Variants in UVSSA observed in about 807,000 individuals in gnomAD.
UVSSA encodes UV stimulated scaffold protein A, also known as UV-stimulated scaffold protein A.
UVSSA carries 72 observed loss-of-function variants against 73.9 expected under a neutral mutation model. That is an observed-to-expected ratio of 0.97 (90% confidence interval 0.81 to 1.19). The LOEUF is 1.19. UVSSA is among the 50% of genes most tolerant of loss of function. UVSSA has a pLI of 0.00. For synonymous variants in UVSSA, 454 were observed against 391.3 expected (o/e 1.16, Z -1.89); for missense variants, 1,150 against 965.0 (o/e 1.19, Z -2.54).
intron 13 of UVSSA, chr4:1,385,145 A>T (rs1226197218): frequency 6.6e-6 from 1 of 152,326 alleles, no homozygotes; most frequent in Admixed American, 6.5e-5. Flanking sequence ...ACTGAAGCCC[A>T]TGGCAGGAGC....
Position 1,383,910 on chromosome 4 carries a change from G to A in UVSSA, c.2006G>A (p.Arg669His), listed in dbSNP as rs758407459. Residue 669 changes from arginine (R) to histidine (H), a missense_variant, in exon 13 of 14, where the codon CGC (arginine) becomes CAC (histidine). By Grantham distance (29) the Arg-to-His change is conservative. Transcript: ENST00000389851. ...TNLKAQADTA[R>H]ARIGRKVFAK... Reference sequence around the variant, plus strand: ...CTGAAGGCTCAGGCTGATACCGCCCGCGCTCGCATTGGGAGAAAAGTCTTC... The same window carrying A: ...CTGAAGGCTCAGGCTGATACCGCCCACGCTCGCATTGGGAGAAAAGTCTTC... 28 of 1,612,912 alleles carry A rather than the reference G, an allele frequency of 1.7e-5. No homozygotes were observed. The highest frequency in any genetic ancestry group is 1.1e-4 in the East Asian group (5 of 44,890).
chr4:1,373,666 TGTTTC>T (rs1718405330), intron 8 of UVSSA, among the ~76,000 whole-genome samples: 2 of 152,222 alleles, frequency 1.3e-5, no homozygotes, highest in African/African-American at 2.4e-5. Flanking sequence ...TGTGGCTCAT[TGTTTC>T]TTCAACTGTT....
chr4:1,385,989 A>C lies in UVSSA; in HGVS notation c.*28A>C. 6.2e-7 allele frequency: 1 copy of C among 1,609,804 alleles called. No homozygotes were observed. Among genetic ancestry groups the C allele is most frequent in the African/African-American group, 1.3e-5 (1 of 74,992 alleles). The stretch of plus-strand genomic sequence containing the variant: ...AGCGGGGCCCAGTGCACTGGCCATC[A>C]GCACTTTCTCCCTCTGCCAGTGTCT... On this transcript the variant is annotated 3_prime_UTR_variant, in exon 14 of 14. Coordinates refer to ENST00000389851, the MANE Select transcript of UVSSA (RefSeq NM_020894.4).
chr4:1,355,023 C>G, intron 6 of UVSSA, 94 bp from the exon 7 acceptor site: 1 of 1,558,978 alleles, frequency 6.4e-7, no homozygotes. Context: ...CAGGGACCCC[C>G]CGGGCCAGTG....
At chr4:1,373,544 C>T (rs574369345) in intron 8 of UVSSA, among the ~76,000 whole-genome samples, 14 of 152,330 alleles carry the variant, frequency 9.2e-5, no homozygotes, top group Admixed American at 4.6e-4. Flanking sequence ...CCTCAGTGCT[C>T]TGTGTTAACC....
At chr4:1,371,789 CTA>C (rs757898624) in intron 8 of UVSSA, among the ~76,000 whole-genome samples, 3 of 152,156 alleles carry the variant, frequency 2.0e-5, no homozygotes, top group Non-Finnish European at 1.5e-5. Context: ...ATTATGGGAA[CTA>C]TAAGATGAGA....
chr4:1,349,547 G>A lies in UVSSA; in HGVS notation c.122G>A (p.Arg41His), dbSNP rs770306039. ...ICKSSEEQLS[R>H]AYRLLIAQLT... ...AGGTCTTCAGAGGAGCAGCTGAGCC[G>A]CGCCTACCGCCTGCTGATAGCACAG... The change falls in exon 3 of 14, where the codon CGC (arginine) becomes CAC (histidine). Residue 41 changes from arginine (R) to histidine (H), a missense_variant. Transcript: ENST00000389851. 31 of 1,613,370 alleles carry A rather than the reference G, an allele frequency of 1.9e-5. No individual in the cohort carries two copies. The highest frequency in any genetic ancestry group is 1.0e-4 in the Admixed American group (6 of 59,990).
At chr4:1,392,714 G>A (rs1366030217), downstream of UVSSA, 1 of 152,168 alleles carries the variant, frequency 6.6e-6, no homozygotes, top group African/African-American at 2.4e-5. Flanking sequence ...CTTTCAGTGT[G>A]TCCTACCTGC....
intron 9 of UVSSA, 77 bp from the exon 10 acceptor site, chr4:1,375,957 G>C: frequency 6.5e-7 from 1 of 1,540,462 alleles, no homozygotes; most frequent in East Asian, 2.4e-5. Flanking sequence ...GCCTTGCTGT[G>C]GGGGTGGGGA....
chr4:1,368,588 G>A (rs959426717), intron 8 of UVSSA, among the ~76,000 whole-genome samples: 3 of 152,208 alleles, frequency 2.0e-5, no homozygotes, highest in Non-Finnish European at 2.9e-5. Context: ...GGGGCCGAGC[G>A]GCCTCGCAGC....
At chr4:1,360,951 C>A (rs995041589) in intron 7 of UVSSA, among the ~76,000 whole-genome samples, 3 of 152,254 alleles carry the variant, frequency 2.0e-5, no homozygotes, top group Admixed American at 6.5e-5. Flanking sequence ...CTGCTCAGAA[C>A]GTCCTATGTG....
intron 7 of UVSSA, among the ~76,000 whole-genome samples, chr4:1,361,617 A>G (rs1034868738): frequency 7.2e-5 from 11 of 152,236 alleles, no homozygotes; most frequent in African/African-American, 2.4e-4. Flanking sequence ...CCGTCCTCTC[A>G]AGGTGCGTCC....
rs200174708 is a variant in UVSSA, at chr4:1,394,827, C to T, written c.*8866C>T. On this transcript the variant is annotated 3_prime_UTR_variant, in exon 14 of 14. Coordinates refer to the UVSSA transcript ENST00000511216. ...CACACACGTGCCCATGTGGAGTGCC[C>T]GCCTGCTCACGTGCCCATGTGGAGT... The T allele has an allele frequency of 4.5e-5, 63 of 1,396,350 alleles. 1 individual carries two copies. In the East Asian group the frequency reaches 5.4e-4, roughly 12 times the overall value. The allele number at this position is 1,396,350 out of a possible 1,614,324, so 86.5% of individuals were successfully genotyped here. A position where few individuals can be genotyped will look rare whatever the true frequency, so the allele number is the denominator to read the frequency against.
chr4:1,351,001 G>A (rs1205380219), intron 3 of UVSSA, among the ~76,000 whole-genome samples: 1 of 152,110 alleles, frequency 6.6e-6, no homozygotes, highest in African/African-American at 2.4e-5. Flanking sequence ...CGCCTCCCTG[G>A]TCCAAGTGAT....
In UVSSA at chr4:1,365,783, C is replaced by G. The variant is rs1306321379; in HGVS notation, c.1177-537C>G. Among the ~76,000 whole-genome samples the G allele has an allele frequency of 4.6e-5, 7 of 152,168 alleles. No individual in the cohort carries two copies. The East Asian group carries it at 1.3e-3, about 29-fold the overall frequency. ...CTAAGAGCAGACGCACCTGCTCCACCTGGTGGGAAGATAACTCACCTAAGC... is the reference window on the plus strand; with the variant it reads ...CTAAGAGCAGACGCACCTGCTCCACGTGGTGGGAAGATAACTCACCTAAGC... On this transcript the variant is annotated intron_variant, in intron 7 of 13. Transcript: ENST00000389851.
At chr4:1,385,779 C>A in intron 13 of UVSSA, 89 bp from the exon 14 acceptor site, 1 of 1,370,976 alleles carries the variant, frequency 7.3e-7, no homozygotes, top group Non-Finnish European at 1.0e-6. Context: ...TGCCCCAGGA[C>A]CAGTGCCTAA....
intron 10 of UVSSA, among the ~76,000 whole-genome samples, chr4:1,378,442 A>T (rs1719039362): frequency 6.6e-6 from 1 of 152,212 alleles, no homozygotes; most frequent in Non-Finnish European, 1.5e-5. Flanking sequence ...AATCCCAGCT[A>T]CTCGAGACTG....
intron 12 of UVSSA, among the ~76,000 whole-genome samples, chr4:1,382,490 C>T (rs571395691): frequency 4.6e-5 from 7 of 152,238 alleles, no homozygotes; most frequent in Admixed American, 2.0e-4. Context: ...GAAGGCCGCG[C>T]GGTCCCAGCA....
In UVSSA at chr4:1,349,848, C is replaced by A; in HGVS notation, c.423C>A (p.Asn141Lys). The A allele has an allele frequency of 1.9e-6, 3 of 1,543,226 alleles. No individual in the cohort carries two copies. Among genetic ancestry groups the A allele is most frequent in the Non-Finnish European group, 2.6e-6 (3 of 1,145,516 alleles). The change falls in exon 3 of 14, where the codon AAC becomes AAA. Residue 141 changes from asparagine (N) to lysine (K), a missense_variant. Coordinates refer to ENST00000389851, the MANE Select transcript of UVSSA (RefSeq NM_020894.4). ...TGGGCTACCACTTCTTAAGACACAACAAAAAGGTAGGTGGGCCTGGCCCAT... is the reference window on the plus strand; with the variant it reads ...TGGGCTACCACTTCTTAAGACACAAAAAAAAGGTAGGTGGGCCTGGCCCAT... ...LALGYHFLRH[N>K]KKVDFQDTNA...
Sources: allele counts gnomAD v4.1 joint callset (sites outside exome capture counted in the v4.1 genomes callset), GRCh38; gene constraint gnomAD v4.1.1; transcripts MANE v1.5; gene names NCBI Gene and HGNC (gene_info 2026-07-23, HGNC 2026-07-21).